The following OSBPL5 variants were observed in gnomAD, a reference collection of about 807,000 sequenced individuals.
OSBPL5 encodes oxysterol-binding protein-related protein 5.
Under a neutral mutation model 111.2 loss-of-function variants are expected in OSBPL5, and 71 were observed. The observed-to-expected ratio is 0.64, with a 90% CI of 0.53 to 0.78. OSBPL5 has a LOEUF of 0.78. OSBPL5 is among the 30% of genes least tolerant of loss of function. OSBPL5 has a pLI of 0.00. For synonymous variants in OSBPL5, 549 were observed against 513.9 expected, an observed-to-expected ratio of 1.07 and a Z score of -0.93; for missense variants, 1,210 against 1,189.3, an observed-to-expected ratio of 1.02 and a Z score of -0.26.
chr11:3,151,533 G>A (rs1300108083), intron 1 of OSBPL5, among the ~76,000 whole-genome samples: 4 of 152,228 alleles, frequency 2.6e-5, no homozygotes, highest in Non-Finnish European at 5.9e-5. Flanking sequence ...CTCCCCATGT[G>A]CTGGGGGTGC....
At chr11:3,152,734 T>C (rs540627382) in intron 1 of OSBPL5, among the ~76,000 whole-genome samples, 1 of 152,322 alleles carries the variant, frequency 6.6e-6, no homozygotes, top group East Asian at 1.9e-4. Context: ...GAGTGGGCGT[T>C]TGATACACGC....
rs79543704 is a variant in OSBPL5 at position 3,162,906 on chromosome 11, C to T, written c.-22+2310G>A. ...TCACTTGTACCCCCCAACATCTACC[C>T]CCCAGCACACTGGTGCACTCCCTGG... On this transcript the variant is annotated intron_variant, in intron 1 of 21. Coordinates refer to ENST00000263650, the MANE Select transcript of OSBPL5 (RefSeq NM_020896.4). This position sits in a 1 kb window ranked among gnomAD's most constrained non-coding sequence, Gnocchi z 8.1. 1.3e-5 allele frequency among the ~76,000 whole-genome samples: 2 copies of T among 152,034 alleles called. No homozygotes were observed. Among genetic ancestry groups the T allele is most frequent in the African/African-American group, 4.8e-5 (2 of 41,398 alleles).
In OSBPL5 at chr11:3,104,311, T is replaced by A; in HGVS notation, c.1126A>T (p.Lys376Ter). 1 of 1,613,710 alleles carries A rather than the reference T, an allele frequency of 6.2e-7. No homozygotes were observed. The highest frequency in any genetic ancestry group is 8.5e-7 in the Non-Finnish European group (1 of 1,179,974). ...ENKSLMWTLL[K>*]QLRPGMDLSR... ...AGGTCCATGCCTGGCCGTAGCTGCTTCAGCAGGGTCCACATCAGACTCTTG... is the reference window on the plus strand; with the variant it reads ...AGGTCCATGCCTGGCCGTAGCTGCTACAGCAGGGTCCACATCAGACTCTTG... The change falls in exon 10 of 22, where the codon AAG becomes TAG. Residue 376 changes from lysine (K) to a stop codon, truncating the protein, a stop_gained. Transcript: ENST00000263650. LOFTEE classifies it high-confidence loss of function. This position sits in a 1 kb window ranked among gnomAD's most constrained non-coding sequence, Gnocchi z 5.0.
In OSBPL5 at chr11:3,104,908, G is replaced by A. The variant is rs1281153943; in HGVS notation, c.1060-531C>T. On this transcript the variant is annotated intron_variant, in intron 9 of 21. Coordinates refer to ENST00000263650, the MANE Select transcript of OSBPL5 (RefSeq NM_020896.4). This position sits in a 1 kb window ranked among gnomAD's most constrained non-coding sequence, Gnocchi z 5.0. ...ATATTGAATGTGGACAACTGGGTGAGTTTGGAGGTGAGCCTGCTCCTGCAA... is the reference window on the plus strand; with the variant it reads ...ATATTGAATGTGGACAACTGGGTGAATTTGGAGGTGAGCCTGCTCCTGCAA... Among the ~76,000 whole-genome samples, 1 of 152,226 alleles carries A rather than the reference G, an allele frequency of 6.6e-6. No homozygotes were observed. Among genetic ancestry groups the A allele is most frequent in the East Asian group, 1.9e-4 (1 of 5,194 alleles).
intron 1 of OSBPL5, among the ~76,000 whole-genome samples, chr11:3,133,600 A>AC (rs202173376): frequency 0.023 from 3,515 of 152,042 alleles, 51 homozygotes; most frequent in Non-Finnish European, 0.029. Context: ...CAGCACCTTC[A>AC]CCCCAGAGCC....
At chr11:3,112,478 C>CTTTTTT (rs559601032) in intron 7 of OSBPL5, among the ~76,000 whole-genome samples, 22 of 108,746 alleles carry the variant, frequency 2.0e-4, no homozygotes, top group African/African-American at 2.5e-4. Flanking sequence ...GTTTTCTTTT[C>CTTTTTT]TTTTTTTTTT....
At chr11:3,136,051 C>A (rs572688014) in intron 1 of OSBPL5, among the ~76,000 whole-genome samples, 1 of 152,364 alleles carries the variant, frequency 6.6e-6, no homozygotes, top group Admixed American at 6.5e-5. Flanking sequence ...CAGCCCAGAG[C>A]AGATGGGGAG....
intron 19 of OSBPL5, among the ~76,000 whole-genome samples, chr11:3,091,922 C>T (rs1406112247): frequency 2.0e-5 from 3 of 152,136 alleles, no homozygotes; most frequent in African/African-American, 7.2e-5. Context: ...CAGCTCAGCA[C>T]ACCTGGAACG....
At chr11:3,097,479 A>T (rs1857314427) in intron 14 of OSBPL5, among the ~76,000 whole-genome samples, 1 of 152,186 alleles carries the variant, frequency 6.6e-6, no homozygotes, top group Non-Finnish European at 1.5e-5. Flanking sequence ...CCCAGAAACA[A>T]CCTACTAAGA....
In OSBPL5 at chr11:3,106,151, C is replaced by T. The variant is rs1039983689; in HGVS notation, c.1059+1112G>A. ...CCTGAGCTCTGTGGGAACAGCAGCC[C>T]GCAGGGAGGCCATGGTGTTCCACTG... On this transcript the variant is annotated intron_variant, in intron 9 of 21. Coordinates refer to ENST00000263650, the MANE Select transcript of OSBPL5 (RefSeq NM_020896.4). The surrounding 1 kb of genome is among the most constrained non-coding windows in gnomAD (Gnocchi z 8.4). Among the ~76,000 whole-genome samples the T allele has an allele frequency of 3.0e-4, 46 of 152,182 alleles. No individual in the cohort carries two copies. The highest frequency in any genetic ancestry group is 9.7e-4 in the African/African-American group (40 of 41,440).
At chr11:3,108,093 G>A in intron 7 of OSBPL5, 148 bp from the exon 8 acceptor site, 1 of 1,022,302 alleles carries the variant, frequency 9.8e-7, no homozygotes, top group African/African-American at 1.6e-5. Context: ...TGCCCCAGCA[G>A]GGACATGCCC....
At chr11:3,093,096 C>A in intron 17 of OSBPL5, 44 bp from the exon 18 acceptor site, 1 of 1,469,638 alleles carries the variant, frequency 6.8e-7, no homozygotes, top group East Asian at 2.4e-5. Context: ...CCGGGCAGCC[C>A]GACCCCTAGG....
At chr11:3,118,544 C>T (rs1042246513) in intron 7 of OSBPL5, among the ~76,000 whole-genome samples, 11 of 151,644 alleles carry the variant, frequency 7.3e-5, no homozygotes, top group Admixed American at 1.3e-4. Context: ...GTCACAGGCA[C>T]GGCCTCAACC....
chr11:3,100,362 C>T, intron 13 of OSBPL5, 106 bp from the exon 14 acceptor site: 2 of 891,644 alleles, frequency 2.2e-6, no homozygotes, highest in South Asian at 1.4e-5. Flanking sequence ...GCTGAACACG[C>T]TCCTGGCACT....
chr11:3,088,367 T>TG, intron 21 of OSBPL5, 24 bp from the exon 22 acceptor site: 1 of 1,514,606 alleles, frequency 6.6e-7, no homozygotes, highest in Non-Finnish European at 8.8e-7. Flanking sequence ...CGACAGATCG[T>TG]GGGGGCTGTG....
intron 7 of OSBPL5, among the ~76,000 whole-genome samples, chr11:3,114,728 A>G (rs1403229156): frequency 2.0e-5 from 3 of 150,394 alleles, no homozygotes; most frequent in Admixed American, 6.7e-5. Flanking sequence ...CCTCCTGAGT[A>G]GCTGGGACTA....
At chr11:3,099,518 C>T (rs1346304178) in intron 14 of OSBPL5, among the ~76,000 whole-genome samples, 1 of 152,068 alleles carries the variant, frequency 6.6e-6, no homozygotes, top group Non-Finnish European at 1.5e-5. Context: ...TTTCTGTAAA[C>T]ACAACACTAC....
In OSBPL5 at chr11:3,146,854, G is replaced by A. The variant is rs1236209070; in HGVS notation, c.-21-17685C>T. Among the ~76,000 whole-genome samples the A allele has an allele frequency of 1.3e-5, 2 of 152,182 alleles. No individual in the cohort carries two copies. The highest frequency in any genetic ancestry group is 4.1e-4 in the South Asian group (2 of 4,830). On this transcript the variant is annotated intron_variant, in intron 1 of 21. Coordinates refer to ENST00000263650, the MANE Select transcript of OSBPL5 (RefSeq NM_020896.4). This position sits in a 1 kb window ranked among gnomAD's most constrained non-coding sequence, Gnocchi z 7.8. ...ATCCCCTTCGCCGTGGCTGGAGCTG[G>A]CGTTTCTATTTATGATTCGCCTCTC...
chr11:3,125,258 C>T (rs1344316076), intron 3 of OSBPL5, among the ~76,000 whole-genome samples: 5 of 152,204 alleles, frequency 3.3e-5, no homozygotes, highest in East Asian at 1.9e-4. Context: ...GAACCACCTA[C>T]GGAATGGGAG....
Sources: allele counts gnomAD v4.1 joint callset (sites outside exome capture counted in the v4.1 genomes callset), GRCh38; gene constraint gnomAD v4.1.1; non-coding constraint Gnocchi (gnomAD v3.1); transcripts MANE v1.5; gene names NCBI Gene and HGNC (gene_info 2026-07-23, HGNC 2026-07-21).